CYP7B1: variants seen among roughly 807,000 people sequenced by gnomAD.
CYP7B1 encodes the protein cytochrome P450 family 7 subfamily B member 1.
In CYP7B1, 29 loss-of-function variants were observed where a neutral mutation model predicts 42.7. That is an observed-to-expected ratio of 0.68 (90% CI 0.51 to 0.93). The LOEUF (loss-of-function observed/expected upper bound fraction) is 0.93. Ranked by LOEUF, CYP7B1 falls within the 40% of genes least tolerant of loss-of-function variation. The pLI is 0.00. For missense variants in CYP7B1, 655 were observed against 600.5 expected (o/e 1.09, Z -0.95); for synonymous variants, 235 against 218.2 (o/e 1.08, Z -0.68).
chr8:64,792,018 A>C (rs1804626256), intron 1 of CYP7B1, among the ~76,000 whole-genome samples: 1 of 152,206 alleles, frequency 6.6e-6, no homozygotes, highest in African/African-American at 2.4e-5. Context: ...AGAAATAGGA[A>C]ATGTTAAAGG....
Position 64,604,834 on chromosome 8 carries a change from G to T in CYP7B1, c.1081C>A (p.Arg361=), listed in dbSNP as rs773976307. 1.2e-6 allele frequency: 2 copies of T among 1,613,858 alleles called. No individual in the cohort carries two copies. The highest frequency in any genetic ancestry group is 2.2e-5 in the South Asian group (2 of 91,064). Residue 361 remains arginine (R), a synonymous_variant, in exon 5 of 6, where the codon CGA becomes AGA. Coordinates refer to ENST00000310193, the MANE Select transcript of CYP7B1 (RefSeq NM_004820.5). ...CLESSIFEAL[R]LSSYSTTIRF... ...ATGGTGGTTGAATATGAGGACAGTCGTAAAGCTTCAAAAATGCTGCTTTCT... is the reference window on the plus strand; with the variant it reads ...ATGGTGGTTGAATATGAGGACAGTCTTAAAGCTTCAAAAATGCTGCTTTCT...
At chr8:64,680,306 T>C (rs1487608491) in intron 1 of CYP7B1, among the ~76,000 whole-genome samples, 1 of 152,116 alleles carries the variant, frequency 6.6e-6, no homozygotes, top group African/African-American at 2.4e-5. Flanking sequence ...TCAAGAACAC[T>C]CTCATATTTC....
At chr8:64,600,160 T>C (rs1325566963) in intron 5 of CYP7B1, among the ~76,000 whole-genome samples, 1 of 152,244 alleles carries the variant, frequency 6.6e-6, no homozygotes, top group East Asian at 1.9e-4. Flanking sequence ...ATATTCAGTG[T>C]TTACAAATAG....
At chr8:64,611,101 T>C (rs1321340824) in intron 4 of CYP7B1, among the ~76,000 whole-genome samples, 1 of 152,148 alleles carries the variant, frequency 6.6e-6, no homozygotes, top group Non-Finnish European at 1.5e-5. Flanking sequence ...CTTGTCCACA[T>C]GCACATCATG....
intron 1 of CYP7B1, among the ~76,000 whole-genome samples, chr8:64,768,211 T>A (rs1276449764): frequency 6.6e-6 from 1 of 152,020 alleles, no homozygotes; most frequent in Non-Finnish European, 1.5e-5. Flanking sequence ...GGTAAAGAAA[T>A]ACTCAAATCA....
chr8:64,660,986 C>T (rs767983587), intron 1 of CYP7B1, among the ~76,000 whole-genome samples: 1 of 152,194 alleles, frequency 6.6e-6, no homozygotes, highest in South Asian at 2.1e-4. Context: ...CAAAACTAAT[C>T]ACTGAGGATT....
At chr8:64,763,249 C>A (rs773179205) in intron 1 of CYP7B1, among the ~76,000 whole-genome samples, 1 of 152,194 alleles carries the variant, frequency 6.6e-6, no homozygotes, top group African/African-American at 2.4e-5. Flanking sequence ...TCGTCCTAAT[C>A]GAGCTGAACA....
chr8:64,772,755 T>C (rs924919770), intron 1 of CYP7B1, among the ~76,000 whole-genome samples: 1 of 152,176 alleles, frequency 6.6e-6, no homozygotes, highest in Non-Finnish European at 1.5e-5. Flanking sequence ...CCCCATTTCA[T>C]TAGGAATAAA....
intron 1 of CYP7B1, among the ~76,000 whole-genome samples, chr8:64,650,892 C>T (rs577067919): frequency 6.6e-6 from 1 of 152,114 alleles, no homozygotes; most frequent in South Asian, 2.1e-4. Context: ...ATTCTGGGGC[C>T]TTCTCCATAG....
At chr8:64,618,761 A>C (rs1367316352) in intron 2 of CYP7B1, among the ~76,000 whole-genome samples, 1 of 151,784 alleles carries the variant, frequency 6.6e-6, no homozygotes, top group Non-Finnish European at 1.5e-5. Flanking sequence ...ATTACTAATA[A>C]ATTGTTTTTA....
intron 1 of CYP7B1, among the ~76,000 whole-genome samples, chr8:64,725,870 C>G (rs997362078): frequency 2.0e-5 from 3 of 152,184 alleles, no homozygotes; most frequent in Admixed American, 6.5e-5. Context: ...CATGCCCTGA[C>G]CTCACTCATT....
chr8:64,615,135 T>TGCC lies in CYP7B1; in HGVS notation c.945_947dup (p.Ala317dup), dbSNP rs757326595. Reference sequence around the variant, plus strand: ...AACGGTCAATTTCGTCACGCACTGCTGCCATAGCTTCTGGGTGCCGCAGAA... The same window carrying TGCC: ...AACGGTCAATTTCGTCACGCACTGCTGCCGCCATAGCTTCTGGGTGCCGCAGAA... On this transcript the variant is annotated inframe_insertion, in exon 4 of 6. Coordinates refer to ENST00000310193, the MANE Select transcript of CYP7B1 (RefSeq NM_004820.5). 3 of 1,613,732 alleles carry TGCC rather than the reference T, an allele frequency of 1.9e-6. No individual in the cohort carries two copies. Among genetic ancestry groups the TGCC allele is most frequent in the Non-Finnish European group, 2.5e-6 (3 of 1,179,810 alleles).
At chr8:64,663,736 G>A (rs770460385) in intron 1 of CYP7B1, among the ~76,000 whole-genome samples, 8 of 132,862 alleles carry the variant, frequency 6.0e-5, no homozygotes, top group Non-Finnish European at 1.3e-4. Flanking sequence ...CTGACAGACA[G>A]GACAAGGAAA....
chr8:64,630,425 G>T (rs1180355274), intron 1 of CYP7B1, among the ~76,000 whole-genome samples: 1 of 152,226 alleles, frequency 6.6e-6, no homozygotes, highest in Non-Finnish European at 1.5e-5. Flanking sequence ...TAACCTTGGT[G>T]GTTTATCATT....
intron 1 of CYP7B1, among the ~76,000 whole-genome samples, chr8:64,794,357 AGAGTTTAGG>A (rs1804671714): frequency 6.6e-6 from 1 of 152,258 alleles, no homozygotes; most frequent in Non-Finnish European, 1.5e-5. Flanking sequence ...CTGGGGTGAC[AGAGTTTAGG>A]GTTTGAATTT....
At chr8:64,698,383 A>G (rs1331918338) in intron 1 of CYP7B1, among the ~76,000 whole-genome samples, 1 of 152,132 alleles carries the variant, frequency 6.6e-6, no homozygotes, top group Non-Finnish European at 1.5e-5. Context: ...CTTTCCCCTC[A>G]CTAGAAAACC....
intron 1 of CYP7B1, among the ~76,000 whole-genome samples, chr8:64,748,799 C>T (rs771176116): frequency 2.0e-5 from 3 of 152,346 alleles, no homozygotes; most frequent in Non-Finnish European, 2.9e-5. Context: ...TCCAAACTCA[C>T]ATCCTTCATT....
At chr8:64,783,118 A>G (rs1432833672) in intron 1 of CYP7B1, among the ~76,000 whole-genome samples, 1 of 152,312 alleles carries the variant, frequency 6.6e-6, no homozygotes, top group African/African-American at 2.4e-5. Context: ...TTGAATAGAA[A>G]ATAACTTTAC....
chr8:64,777,552 T>G (rs1204614569), intron 1 of CYP7B1, among the ~76,000 whole-genome samples: 1 of 152,126 alleles, frequency 6.6e-6, no homozygotes, highest in African/African-American at 2.4e-5. Context: ...CTATTTATTA[T>G]TTATTGATGC....
Sources: allele counts gnomAD v4.1 joint callset (sites outside exome capture counted in the v4.1 genomes callset), GRCh38; gene constraint gnomAD v4.1.1; transcripts MANE v1.5; gene names NCBI Gene and HGNC (gene_info 2026-07-23, HGNC 2026-07-21).